The following GNAL variants were observed in gnomAD, a reference collection of about 807,000 sequenced individuals.
GNAL encodes the protein guanine nucleotide-binding protein G(olf) subunit alpha.
A neutral mutation model predicts 55.1 loss-of-function variants in GNAL; 18 were observed. The observed-to-expected ratio is 0.33, with a 90% CI of 0.23 to 0.48. GNAL has a LOEUF of 0.48. Among genes scored for constraint, GNAL ranks in the 20% least tolerant of loss-of-function variants. The pLI is 0.99. For synonymous variants in GNAL, 253 were observed against 237.0 expected (o/e 1.07, Z -0.62); for missense variants, 412 against 614.1 (o/e 0.67, Z 3.48).
chr18:11,794,353 T>C (rs1464150002), intron 4 of GNAL, among the ~76,000 whole-genome samples: 1 of 152,166 alleles, frequency 6.6e-6, no homozygotes, highest in Non-Finnish European at 1.5e-5. Context: ...GATGAATGGA[T>C]AAACAAAATG....
intron 4 of GNAL, among the ~76,000 whole-genome samples, chr18:11,822,662 C>T (rs367849760): frequency 2.0e-5 from 3 of 152,136 alleles, no homozygotes; most frequent in Admixed American, 1.3e-4. Flanking sequence ...TCTCACTGAC[C>T]TCTAGCCACA....
chr18:11,697,248 T>C (rs1312660160), intron 1 of GNAL, among the ~76,000 whole-genome samples: 1 of 152,090 alleles, frequency 6.6e-6, no homozygotes, highest in East Asian at 1.9e-4. Context: ...AGTCAAGAGA[T>C]GTGAGGAGGC....
At chr18:11,781,959 A>G (rs1033429945) in intron 4 of GNAL, among the ~76,000 whole-genome samples, 2 of 152,234 alleles carry the variant, frequency 1.3e-5, no homozygotes, top group African/African-American at 4.8e-5. Flanking sequence ...AAACAACCCA[A>G]ATGGCCACTA....
In GNAL at chr18:11,753,823, T is replaced by G. The variant is rs1309356565; in HGVS notation, c.505-3T>G. 2.5e-6 allele frequency: 4 copies of G among 1,606,754 alleles called. No individual in the cohort carries two copies. The African/African-American group carries it at 5.4e-5, about 22-fold the overall frequency. ...CCATATTTTTTTTCTTATTCCATTT[T>G]AGACAATTGTTTCAGCAATGAGTAC... is the stretch of plus-strand genomic sequence containing the variant. On this transcript the variant is annotated splice_polypyrimidine_tract_variant and splice_region_variant and intron_variant, in intron 3 of 11. Coordinates refer to ENST00000334049, the MANE Select transcript of GNAL (RefSeq NM_182978.4).
intron 5 of GNAL, among the ~76,000 whole-genome samples, chr18:11,841,035 G>A (rs1203070609): frequency 2.6e-5 from 4 of 151,852 alleles, no homozygotes; most frequent in Non-Finnish European, 5.9e-5. Context: ...ACGATGCCCA[G>A]CTAATTTTTT....
intron 1 of GNAL, among the ~76,000 whole-genome samples, chr18:11,701,099 T>A (rs1020591747): frequency 6.6e-6 from 1 of 152,166 alleles, no homozygotes; most frequent in Non-Finnish European, 1.5e-5. Flanking sequence ...GACAAGAACC[T>A]AAGAGAAAAA....
chr18:11,847,650 A>G (rs1223522322), intron 5 of GNAL, among the ~76,000 whole-genome samples: 1 of 152,024 alleles, frequency 6.6e-6, no homozygotes, highest in Non-Finnish European at 1.5e-5. Flanking sequence ...TTTTTTCACT[A>G]AGAAAATTTG....
chr18:11,851,258 G>C (rs149773455), intron 5 of GNAL: 4 of 464,816 alleles, frequency 8.6e-6, no homozygotes, highest in African/African-American at 2.0e-5. Flanking sequence ...CGCAGCGCCG[G>C]AGCGTCCAGC....
chr18:11,846,464 TACACAC>T (rs57334090), intron 5 of GNAL, among the ~76,000 whole-genome samples: 25 of 140,094 alleles, frequency 1.8e-4, no homozygotes, highest in Admixed American at 1.0e-3. Context: ...TATATAAATA[TACACAC>T]ACACACACAC....
At chr18:11,781,813 CAAAAGGGGAGGGGTCACACTGTATTTTA>C (rs1192279181) in intron 4 of GNAL, among the ~76,000 whole-genome samples, 3 of 151,980 alleles carry the variant, frequency 2.0e-5, no homozygotes, top group Admixed American at 2.0e-4. Context: ...ATGCTATTGC[CAAAAGGGGAGGGGTCACACTGTATTTTA>C]AAATCAAATT....
intron 5 of GNAL, among the ~76,000 whole-genome samples, chr18:11,855,307 A>G (rs28709371): frequency 2.0e-4 from 31 of 152,282 alleles, no homozygotes; most frequent in African/African-American, 7.2e-4. Flanking sequence ...AAACTTCCCT[A>G]CACCAAAGAT....
intron 11 of GNAL, among the ~76,000 whole-genome samples, chr18:11,878,701 C>G (rs2036588149): frequency 6.6e-6 from 1 of 152,094 alleles, no homozygotes; most frequent in South Asian, 2.1e-4. Context: ...TCCTGAGTAG[C>G]TGGGACTACA....
At chr18:11,723,286 T>C (rs2143411502) in intron 1 of GNAL, among the ~76,000 whole-genome samples, 1 of 152,362 alleles carries the variant, frequency 6.6e-6, no homozygotes, top group African/African-American at 2.4e-5. Flanking sequence ...AATAAAACTT[T>C]ACAAACACAT....
At chr18:11,747,592 G>A (rs2032716591) in intron 1 of GNAL, 1 of 151,714 alleles carries the variant, frequency 6.6e-6, no homozygotes, top group South Asian at 2.1e-4. Context: ...AACAGCAAAT[G>A]TTCTTGTTGT....
intron 4 of GNAL, 36 bp from the exon 5 acceptor site, chr18:11,824,880 CTT>C (rs113286306): frequency 5.2e-5 from 53 of 1,028,586 alleles, no homozygotes; most frequent in African/African-American, 4.8e-4. Flanking sequence ...GGTTATTACA[CTT>C]TTTTTTTTTT....
intron 4 of GNAL, among the ~76,000 whole-genome samples, chr18:11,769,850 T>TG (rs1352858947): frequency 1.3e-5 from 2 of 152,130 alleles, no homozygotes; most frequent in African/African-American, 4.8e-5. Flanking sequence ...CACACACACA[T>TG]GCACACACAC....
chr18:11,775,304 A>G (rs1033954011), intron 4 of GNAL, among the ~76,000 whole-genome samples: 7 of 152,224 alleles, frequency 4.6e-5, no homozygotes, highest in African/African-American at 1.7e-4. Context: ...CACCTCACCC[A>G]TATGCACACA....
chr18:11,757,157 T>C (rs1451145139), intron 4 of GNAL, among the ~76,000 whole-genome samples: 2 of 152,234 alleles, frequency 1.3e-5, no homozygotes, highest in Admixed American at 6.5e-5. Flanking sequence ...TTTTGCTCTC[T>C]GTGGTGTCTT....
chr18:11,802,486 C>T (rs1239189399), intron 4 of GNAL, among the ~76,000 whole-genome samples: 1 of 152,170 alleles, frequency 6.6e-6, no homozygotes, highest in East Asian at 1.9e-4. Context: ...TGAGACCAGT[C>T]TTGTTGCAGG....
Sources: gnomAD v4.1 joint callset for allele counts (sites outside exome capture counted in the v4.1 genomes callset) on GRCh38, gnomAD v4.1.1 for gene constraint, MANE v1.5 for transcripts, NCBI Gene and HGNC (gene_info 2026-07-23, HGNC 2026-07-21) for gene names.